GPR161: variants seen among roughly 807,000 people sequenced by gnomAD.
GPR161 encodes G protein-coupled receptor 161.
Under a neutral mutation model 39.2 loss-of-function variants are expected in GPR161, and 25 were observed. That is an observed-to-expected ratio of 0.64 (90% CI 0.47 to 0.89). The LOEUF is 0.89. GPR161 is among the 40% of genes least tolerant of loss of function. The probability of loss-of-function intolerance (pLI) is 0.00; values close to 1 mark genes in which losing one functional copy is unlikely to be tolerated. For synonymous variants in GPR161, 286 were observed against 276.6 expected (o/e 1.03, Z -0.34); for missense variants, 547 against 677.8 (o/e 0.81, Z 2.14).
At chr1:168,136,161 C>A in intron 1 of GPR161, 3 of 1,268,534 alleles carry the variant, frequency 2.4e-6, no homozygotes, top group Non-Finnish European at 3.0e-6. Context: ...AGCCGCCCAT[C>A]CGGCGGCGCC....
rs183295664 is a variant in GPR161, at chr1:168,080,705, T to A, written c.*4826A>T. 6.6e-6 allele frequency: 1 copy of A among 152,340 alleles called. No individual in the cohort carries two copies. The highest frequency in any genetic ancestry group is 1.5e-5 in the Non-Finnish European group (1 of 68,068). 9.4% of individuals were successfully genotyped at this position (152,340 alleles called of 1,614,324 possible). ...CCAAGGGCATTTCTCAGGGAGAATG[T>A]CCTTTCTGGACTGTAAGGAAGGTCA... On this transcript the variant is annotated 3_prime_UTR_variant, in exon 6 of 6. Coordinates refer to ENST00000682931, the MANE Select transcript of GPR161 (RefSeq NM_001375883.1).
At position 168,104,370 on chromosome 1, in the gene GPR161, C is replaced by CA. The variant is rs1696390118; in HGVS notation, c.374+106dup. On this transcript the variant is annotated intron_variant, in intron 2 of 5. Coordinates refer to ENST00000682931, the MANE Select transcript of GPR161 (RefSeq NM_001375883.1). ...ACTCCACCTGGTCATCCTCCCCCAG[C>CA]AAGGGCCCCTGACACTCTCCAGGGA... is the stretch of plus-strand genomic sequence containing the variant. The CA allele has an allele frequency of 2.3e-5, 20 of 879,994 alleles. No homozygotes were observed. The South Asian group carries it at 3.4e-4, about 15-fold the overall frequency. 54.5% of individuals were successfully genotyped at this position (879,994 alleles called of 1,614,324 possible). A position where few individuals can be genotyped will look rare whatever the true frequency, so the allele number is the denominator to read the frequency against.
At chr1:168,134,640 G>T (rs1411244635) in intron 1 of GPR161, among the ~76,000 whole-genome samples, 1 of 152,078 alleles carries the variant, frequency 6.6e-6, no homozygotes, top group Non-Finnish European at 1.5e-5. Context: ...TGGTTAAACT[G>T]CACGCACATT....
intron 3 of GPR161, among the ~76,000 whole-genome samples, chr1:168,092,615 G>C (rs1695168893): frequency 6.6e-6 from 1 of 152,176 alleles, no homozygotes. Context: ...GGCATGCGGT[G>C]AGCAACAGTC....
intron 2 of GPR161, among the ~76,000 whole-genome samples, chr1:168,099,186 A>G (rs1249888995): frequency 6.6e-6 from 1 of 152,138 alleles, no homozygotes; most frequent in Non-Finnish European, 1.5e-5. Flanking sequence ...TGGGGGGCGA[A>G]CAAGCCCCAT....
At chr1:168,087,315 G>T (rs1385089348) in intron 5 of GPR161, among the ~76,000 whole-genome samples, 2 of 151,662 alleles carry the variant, frequency 1.3e-5, no homozygotes, top group South Asian at 2.1e-4. Flanking sequence ...GATCTGGGCT[G>T]TGTGTGTAAA....
chr1:168,126,299 C>T (rs926161823), intron 1 of GPR161, among the ~76,000 whole-genome samples: 7 of 152,230 alleles, frequency 4.6e-5, no homozygotes, highest in Admixed American at 1.3e-4. Flanking sequence ...ATTTGAACAC[C>T]GTCTATCTCT....
In GPR161 at chr1:168,081,593, C is replaced by G. The variant is rs1183657558; in HGVS notation, c.*3938G>C. 1.3e-5 allele frequency: 2 copies of G among 152,224 alleles called. No individual in the cohort carries two copies. The highest frequency in any genetic ancestry group is 6.5e-5 in the Admixed American group (1 of 15,284). 9.4% of individuals were successfully genotyped at this position (152,224 alleles called of 1,614,324 possible). On this transcript the variant is annotated 3_prime_UTR_variant, in exon 6 of 6. Coordinates refer to ENST00000682931, the MANE Select transcript of GPR161 (RefSeq NM_001375883.1). ...TGTGTCTCCACATTGAAACAGATGA[C>G]TAAACTTCCCTTCACAGATGAGGAA...
At chr1:168,086,222 C>A (rs1209614275) in intron 5 of GPR161, among the ~76,000 whole-genome samples, 2 of 152,196 alleles carry the variant, frequency 1.3e-5, no homozygotes, top group South Asian at 4.1e-4. Context: ...AAAACTTCCA[C>A]AAACCCTAAT....
chr1:168,112,019 T>C (rs1263743039), intron 1 of GPR161, among the ~76,000 whole-genome samples: 1 of 150,352 alleles, frequency 6.7e-6, no homozygotes, highest in Non-Finnish European at 1.5e-5. Context: ...GAAAGGAACC[T>C]TTGCCCTAAA....
chr1:168,114,994 CG>C (rs1041005449), intron 1 of GPR161, among the ~76,000 whole-genome samples: 2 of 151,988 alleles, frequency 1.3e-5, no homozygotes, highest in Admixed American at 6.6e-5. Context: ...GGATTTTGTC[CG>C]GAAGCGTTGG....
chr1:168,085,642 A>G lies in GPR161; in HGVS notation c.1479T>C (p.Thr493=). The G allele has an allele frequency of 6.2e-7, 1 of 1,614,166 alleles. No individual in the cohort carries two copies. Among genetic ancestry groups the G allele is most frequent in the Non-Finnish European group, 8.5e-7 (1 of 1,180,028 alleles). Residue 493 remains threonine (T), a synonymous_variant, in exon 6 of 6, where the codon ACT becomes ACC. Coordinates refer to ENST00000682931, the MANE Select transcript of GPR161 (RefSeq NM_001375883.1). ...ALPGVLVTAR[T]VPGGGFGGRR... ...GGCCCCCGAAGCCGCCCCCCGGGAC[A>G]GTCCGTGCTGTAACCAAGACCCCTG...
In GPR161 at chr1:168,084,717, G is replaced by T. The variant is rs1330527477; in HGVS notation, c.*814C>A. The T allele has an allele frequency of 5.0e-6, 2 of 402,656 alleles. No homozygotes were observed. Among genetic ancestry groups the T allele is most frequent in the Non-Finnish European group, 9.7e-6 (2 of 206,258 alleles). The allele number at this position is 402,656 out of a possible 1,614,324, so 24.9% of individuals were successfully genotyped here. A position where few individuals can be genotyped will look rare whatever the true frequency, so the allele number is the denominator to read the frequency against. On this transcript the variant is annotated 3_prime_UTR_variant, in exon 6 of 6. Transcript: ENST00000682931. ...GTTTCTCTATTTCCTGGCTGTGCTT[G>T]GCACTACAGTCCCATTCAGTCCGGT...
rs376651598 is a variant in GPR161, at chr1:168,085,423, G to C, written c.*108C>G. 1 of 1,012,640 alleles carries C rather than the reference G, an allele frequency of 9.9e-7. No homozygotes were observed. The highest frequency in any genetic ancestry group is 1.6e-5 in the African/African-American group (1 of 62,202). The allele number at this position is 1,012,640 out of a possible 1,614,324, so 62.7% of individuals were successfully genotyped here. Reference sequence around the variant, plus strand: ...CAGATGCTGCTCCTTCCCTGTGTGTGGCCAGCTGTACACAGTGACATGCTC... The same window carrying C: ...CAGATGCTGCTCCTTCCCTGTGTGTCGCCAGCTGTACACAGTGACATGCTC... On this transcript the variant is annotated 3_prime_UTR_variant, in exon 6 of 6. Transcript: ENST00000682931.
intron 1 of GPR161, among the ~76,000 whole-genome samples, chr1:168,111,194 T>G (rs1313996604): frequency 6.6e-6 from 1 of 151,516 alleles, no homozygotes; most frequent in African/African-American, 2.4e-5. Context: ...ATTAAAGGAG[T>G]AGACACTGTT....
intron 5 of GPR161, 62 bp downstream of exon 5, chr1:168,087,523 T>C (rs1217575563): frequency 1.3e-6 from 2 of 1,594,018 alleles, no homozygotes; most frequent in Non-Finnish European, 1.7e-6. Context: ...AGCCAAGGAA[T>C]TGTCCTAAGA....
In GPR161 at chr1:168,104,834, G is replaced by A. The variant is rs555700019; in HGVS notation, c.17C>T (p.Ser6Phe). The A allele has an allele frequency of 2.9e-5, 47 of 1,613,664 alleles. No homozygotes were observed. In the South Asian group the frequency reaches 4.5e-4, roughly 15 times the overall value. MSLNS[S>F]LSCRKELSNL... Reference sequence around the variant, plus strand: ...ACTCAGCTCCTTCCTGCAGCTGAGGGAGGAGTTGAGGCTCATGGTCAGTGC... The same window carrying A: ...ACTCAGCTCCTTCCTGCAGCTGAGGAAGGAGTTGAGGCTCATGGTCAGTGC... Residue 6 changes from serine (S) to phenylalanine (F), a missense_variant, in exon 2 of 6, where the codon TCC becomes TTC. Ser to Phe is a radical substitution (Grantham distance 155, BLOSUM62 -2). Transcript: ENST00000682931.
intron 1 of GPR161, among the ~76,000 whole-genome samples, chr1:168,123,906 C>G (rs964042684): frequency 6.6e-6 from 1 of 152,230 alleles, no homozygotes; most frequent in South Asian, 2.1e-4. Flanking sequence ...AGCCACTACA[C>G]CCAGCCCCAG....
At position 168,085,271 on chromosome 1, in the gene GPR161, T is replaced by G; in HGVS notation, c.*260A>C. On this transcript the variant is annotated 3_prime_UTR_variant, in exon 6 of 6. Transcript: ENST00000682931. ...ACATCTCTAGATTTTTTTTTGGTTT[T>G]TTTTTTGCTTTAGATGCTTCTGGTC... 5.4e-6 allele frequency: 3 copies of G among 550,730 alleles called. No homozygotes were observed. Among genetic ancestry groups the G allele is most frequent in the Non-Finnish European group, 9.8e-6 (3 of 306,550 alleles). 34.1% of individuals were successfully genotyped at this position (550,730 alleles called of 1,614,324 possible). A position where few individuals can be genotyped will look rare whatever the true frequency, so the allele number is the denominator to read the frequency against.
Sources: gnomAD v4.1 joint callset for allele counts (sites outside exome capture counted in the v4.1 genomes callset) on GRCh38, gnomAD v4.1.1 for gene constraint, MANE v1.5 for transcripts, NCBI Gene and HGNC (gene_info 2026-07-23, HGNC 2026-07-21) for gene names.